PLXDC2: variants seen among roughly 807,000 people sequenced by gnomAD.
PLXDC2 encodes the protein plexin domain containing 2, also known as plexin domain-containing protein 2.
In PLXDC2, 40 loss-of-function variants were observed where a neutral mutation model predicts 68.9. That is an observed-to-expected ratio of 0.58 (90% CI 0.45 to 0.76). The LOEUF is 0.76. Among genes scored for constraint, PLXDC2 ranks in the 30% least tolerant of loss-of-function variants. The pLI, the probability that PLXDC2 is intolerant of heterozygous loss-of-function variation, is 0.00. For missense variants in PLXDC2, 644 were observed against 661.9 expected, an observed-to-expected ratio of 0.97 and a Z score of 0.30; for synonymous variants, 243 against 234.2, an observed-to-expected ratio of 1.04 and a Z score of -0.34.
At position 20,109,189 on chromosome 10, in the gene PLXDC2, T is replaced by G. The variant is rs1291496763; in HGVS notation, c.542-34106T>G. On this transcript the variant is annotated intron_variant, in intron 4 of 13. Transcript: ENST00000377252. ...ATATTACATTTTCCCAAAATTTTGC[T>G]TATGCCAGTTAATCTTAATATCAAG... Among the ~76,000 whole-genome samples, 5 of 152,350 alleles carry G rather than the reference T, an allele frequency of 3.3e-5. 1 individual carries two copies. The highest frequency in any genetic ancestry group is 1.2e-4 in the African/African-American group (5 of 41,584).
At chr10:19,974,340 C>CG (rs1428381885) in intron 1 of PLXDC2, among the ~76,000 whole-genome samples, 1 of 152,224 alleles carries the variant, frequency 6.6e-6, no homozygotes, top group Non-Finnish European at 1.5e-5. Context: ...AGTTCCACAA[C>CG]CAGCTGGTGG....
intron 1 of PLXDC2, among the ~76,000 whole-genome samples, chr10:19,870,760 A>G (rs779837061): frequency 6.6e-6 from 1 of 152,152 alleles, no homozygotes; most frequent in Non-Finnish European, 1.5e-5. Flanking sequence ...TATTACTATT[A>G]TGTTACATTT....
At chr10:20,063,157 T>A (rs1397355134) in intron 3 of PLXDC2, among the ~76,000 whole-genome samples, 1 of 152,172 alleles carries the variant, frequency 6.6e-6, no homozygotes, top group Admixed American at 6.6e-5. Context: ...TAATGATTAA[T>A]TTATCAATTC....
chr10:19,984,952 A>AT (rs1291513664), intron 1 of PLXDC2, among the ~76,000 whole-genome samples: 4 of 151,956 alleles, frequency 2.6e-5, no homozygotes, highest in Admixed American at 2.0e-4. Flanking sequence ...GCTGTCCCTA[A>AT]TTTTTTCTTT....
intron 1 of PLXDC2, among the ~76,000 whole-genome samples, chr10:19,844,967 G>A (rs879454753): frequency 4.6e-5 from 7 of 152,132 alleles, no homozygotes; most frequent in African/African-American, 1.7e-4. Context: ...CCCAGTTTTG[G>A]TTCAGGATCT....
intron 4 of PLXDC2, among the ~76,000 whole-genome samples, chr10:20,108,777 G>T (rs185549370): frequency 6.6e-6 from 1 of 151,994 alleles, no homozygotes; most frequent in Non-Finnish European, 1.5e-5. Context: ...AACCTTCCAC[G>T]TATCTGCCTT....
Position 19,823,629 on chromosome 10 carries a change from G to A in PLXDC2, c.112+6438G>A, listed in dbSNP as rs536253312. 3.2e-4 allele frequency among the ~76,000 whole-genome samples: 48 copies of A among 151,432 alleles called. 1 individual carries two copies. The highest frequency in any genetic ancestry group is 1.1e-3 in the African/African-American group (45 of 41,216). On this transcript the variant is annotated intron_variant, in intron 1 of 13. Coordinates refer to ENST00000377252, the MANE Select transcript of PLXDC2 (RefSeq NM_032812.9). ...CCCGGGAGGTGGAGGTTGAGATTGC[G>A]CCACTGCACTCCAGCTGGGCGACAG...
intron 12 of PLXDC2, among the ~76,000 whole-genome samples, chr10:20,243,239 C>A (rs757680193): frequency 4.6e-5 from 7 of 152,196 alleles, no homozygotes; most frequent in Admixed American, 2.0e-4. Flanking sequence ...AATTTTGCAA[C>A]CCTAGCTCAT....
chr10:20,240,333 C>T (rs887264142), intron 12 of PLXDC2, among the ~76,000 whole-genome samples: 3 of 152,084 alleles, frequency 2.0e-5, no homozygotes, highest in South Asian at 2.1e-4. Context: ...TCCAATCTAC[C>T]GTTGATGAGC....
chr10:19,916,346 G>A (rs150987971), intron 1 of PLXDC2, among the ~76,000 whole-genome samples: 2,955 of 128,234 alleles, frequency 0.023, 100 homozygotes, highest in African/African-American at 0.076. Context: ...ATGGGGTTTC[G>A]CCACGTTGGC....
At chr10:20,006,947 C>T (rs560100918) in intron 2 of PLXDC2, among the ~76,000 whole-genome samples, 6 of 152,314 alleles carry the variant, frequency 3.9e-5, no homozygotes, top group African/African-American at 7.2e-5. Context: ...TTCATTCATA[C>T]GGACGTATAA....
chr10:20,277,506 T>C (rs537020394), intron 13 of PLXDC2, among the ~76,000 whole-genome samples: 1 of 152,278 alleles, frequency 6.6e-6, no homozygotes, highest in East Asian at 1.9e-4. Context: ...TTAGCTATTA[T>C]TTCACAGATG....
At chr10:19,994,294 A>T (rs1172227840) in intron 1 of PLXDC2, among the ~76,000 whole-genome samples, 32 of 56,378 alleles carry the variant, frequency 5.7e-4, no homozygotes, top group African/African-American at 8.2e-4. Context: ...TTCTCTGACT[A>T]CTTGGAAACA....
intron 7 of PLXDC2, among the ~76,000 whole-genome samples, chr10:20,171,059 G>A (rs944549186): frequency 1.3e-5 from 2 of 152,008 alleles, no homozygotes; most frequent in African/African-American, 4.8e-5. Context: ...AAAACAATTT[G>A]CAATTTTGAT....
Position 20,177,348 on chromosome 10 carries a change from T to C in PLXDC2, c.1000T>C (p.Cys334Arg). ...CCTAGCATGCCTCCAGTTTAACAGA[T>C]GTGGCCCCTGTGTATCTTCTCAGAT... ...PLPTCLQFNR[C>R]GPCVSSQIGF... Residue 334 changes from cysteine to arginine, a missense_variant, in exon 9 of 14, where the codon TGT becomes CGT. This residue lies in a region of PLXDC2 where 330 missense variants were observed against 327.9 expected (regional missense o/e 1.01). Coordinates refer to ENST00000377252, the MANE Select transcript of PLXDC2 (RefSeq NM_032812.9). 16 of 1,605,806 alleles carry C rather than the reference T, an allele frequency of 1.0e-5. No homozygotes were observed. Among genetic ancestry groups the C allele is most frequent in the Non-Finnish European group, 1.3e-5 (15 of 1,172,818 alleles).
chr10:20,235,126 C>T (rs1372097905), intron 12 of PLXDC2, among the ~76,000 whole-genome samples: 1 of 152,176 alleles, frequency 6.6e-6, no homozygotes, highest in Admixed American at 6.5e-5. Flanking sequence ...TTTGGGACAA[C>T]ATGGTTCCCT....
intron 1 of PLXDC2, among the ~76,000 whole-genome samples, chr10:19,897,848 A>G (rs1293767641): frequency 2.0e-5 from 3 of 152,168 alleles, no homozygotes; most frequent in Non-Finnish European, 4.4e-5. Flanking sequence ...TTCAGATGTA[A>G]TAACATTCAT....
intron 3 of PLXDC2, among the ~76,000 whole-genome samples, chr10:20,049,010 T>G (rs548129017): frequency 3.2e-4 from 48 of 152,254 alleles, no homozygotes; most frequent in Non-Finnish European, 1.2e-4. Flanking sequence ...ATGTTGATTG[T>G]TAAATATATA....
chr10:19,915,986 A>C (rs16919551), intron 1 of PLXDC2, among the ~76,000 whole-genome samples: 3 of 151,842 alleles, frequency 2.0e-5, no homozygotes, highest in Non-Finnish European at 4.4e-5. Context: ...CCTAACAGCC[A>C]GGTGGTGCTT....
Sources: gnomAD v4.1 joint callset for allele counts (sites outside exome capture counted in the v4.1 genomes callset) on GRCh38, gnomAD v4.1.1 for gene constraint, gnomAD v4.1.1 regional missense constraint, MANE v1.5 for transcripts, NCBI Gene and HGNC (gene_info 2026-07-23, HGNC 2026-07-21) for gene names.